CNTNAP2: variants seen among roughly 807,000 people sequenced by gnomAD.
CNTNAP2 encodes the protein contactin associated protein 2, also known as contactin-associated protein-like 2.
A neutral mutation model predicts 155.2 loss-of-function variants in CNTNAP2; 98 were observed. The observed-to-expected ratio is 0.63, with a 90% CI of 0.54 to 0.75. The LOEUF (loss-of-function observed/expected upper bound fraction) is 0.75. Among genes scored for constraint, CNTNAP2 ranks in the 30% least tolerant of loss-of-function variants. The probability of loss-of-function intolerance (pLI) is 0.00; values close to 1 mark genes in which losing one functional copy is unlikely to be tolerated. For synonymous variants in CNTNAP2, 651 were observed against 631.2 expected (o/e 1.03, Z -0.47); for missense variants, 1,727 against 1,688.1 (o/e 1.02, Z -0.40).
chr7:147,878,116 G>T (rs1359497026), intron 13 of CNTNAP2, among the ~76,000 whole-genome samples: 1 of 149,940 alleles, frequency 6.7e-6, no homozygotes, highest in Non-Finnish European at 1.5e-5. Context: ...ATGTTTTTCA[G>T]TGGAAAGTTT....
rs57239530 is a variant in CNTNAP2 at position 146,563,774 on chromosome 7, ATCTT to A, written c.98-210494_98-210491del. ...GTTACACCACTTTGCCCTTCACAGAATCTTTCATTTCAGCCACAAACCCACATTA... is the reference window on the plus strand; with the variant it reads ...GTTACACCACTTTGCCCTTCACAGAATCATTTCAGCCACAAACCCACATTA... On this transcript the variant is annotated intron_variant, in intron 1 of 23. Transcript: ENST00000361727. 8.5e-3 allele frequency among the ~76,000 whole-genome samples: 1,292 copies of A among 152,286 alleles called. 10 individuals carry two copies. Among genetic ancestry groups the A allele is most frequent in the African/African-American group, 0.03 (1,228 of 41,548 alleles).
At chr7:148,348,647 CG>C (rs1367334580) in intron 21 of CNTNAP2, among the ~76,000 whole-genome samples, 5 of 152,100 alleles carry the variant, frequency 3.3e-5, no homozygotes, top group African/African-American at 1.2e-4. Context: ...CTCAGGCACA[CG>C]TCATTCATTT....
At chr7:146,386,044 C>A (rs1265451764) in intron 1 of CNTNAP2, among the ~76,000 whole-genome samples, 2 of 152,200 alleles carry the variant, frequency 1.3e-5, no homozygotes, top group East Asian at 3.8e-4. Context: ...TCCCTGCTGG[C>A]CTTATCCCCA....
At chr7:146,854,812 A>C (rs1274525298) in intron 3 of CNTNAP2, among the ~76,000 whole-genome samples, 1 of 152,138 alleles carries the variant, frequency 6.6e-6, no homozygotes, top group Non-Finnish European at 1.5e-5. Flanking sequence ...ATGCACAGGG[A>C]ATGACAGGTA....
At chr7:146,712,035 T>A (rs539725807) in intron 1 of CNTNAP2, among the ~76,000 whole-genome samples, 8 of 77,414 alleles carry the variant, frequency 1.0e-4, no homozygotes, top group South Asian at 5.2e-4. Context: ...TTATGTATAC[T>A]ATATAGTATA....
rs149928347 is a variant in CNTNAP2 at position 147,755,881 on chromosome 7, A to G, written c.2098+116575A>G. 3.2e-3 allele frequency among the ~76,000 whole-genome samples: 490 copies of G among 152,336 alleles called. 6 individuals are homozygous for G. Among genetic ancestry groups the G allele is most frequent in the African/African-American group, 0.011 (461 of 41,568 alleles). ...TCAAATTATGTCAAAAGTCCTGGTT[A>G]GAGTGGCTTATATACAAAGTTTGTA... On this transcript the variant is annotated intron_variant, in intron 13 of 23. Coordinates refer to ENST00000361727, the MANE Select transcript of CNTNAP2 (RefSeq NM_014141.6).
chr7:148,352,424 C>T (rs1798442535), intron 21 of CNTNAP2, among the ~76,000 whole-genome samples: 1 of 152,196 alleles, frequency 6.6e-6, no homozygotes, highest in Non-Finnish European at 1.5e-5. Flanking sequence ...TTCTAAAATA[C>T]AGGGACAGCC....
intron 22 of CNTNAP2, among the ~76,000 whole-genome samples, chr7:148,403,374 G>A (rs968514005): frequency 6.6e-6 from 1 of 152,106 alleles, no homozygotes; most frequent in Non-Finnish European, 1.5e-5. Context: ...AGACTGGAAT[G>A]GCACCATGCT....
intron 21 of CNTNAP2, among the ~76,000 whole-genome samples, chr7:148,308,054 C>T (rs890216847): frequency 1.3e-5 from 2 of 152,120 alleles, no homozygotes; most frequent in Non-Finnish European, 1.5e-5. Context: ...TTCCAATTTG[C>T]TTTTCAAAAG....
Position 147,123,090 on chromosome 7 carries a change from A to G in CNTNAP2, c.939+1927A>G, listed in dbSNP as rs1236940722. 6.6e-5 allele frequency among the ~76,000 whole-genome samples: 10 copies of G among 152,250 alleles called. No individual in the cohort carries two copies. In the East Asian group the frequency reaches 1.7e-3, roughly 26 times the overall value. ...GACTTTATTAACATTAAATGAATTT[A>G]AGATTATTGGAAAGTATTTTATCCC... On this transcript the variant is annotated intron_variant, in intron 6 of 23. Coordinates refer to ENST00000361727, the MANE Select transcript of CNTNAP2 (RefSeq NM_014141.6).
intron 7 of CNTNAP2, among the ~76,000 whole-genome samples, chr7:147,130,729 A>G (rs1032733573): frequency 6.6e-6 from 1 of 151,938 alleles, no homozygotes; most frequent in Non-Finnish European, 1.5e-5. Context: ...CACTCATTCT[A>G]CCTCCTCTTC....
intron 13 of CNTNAP2, among the ~76,000 whole-genome samples, chr7:147,863,204 G>T (rs188775684): frequency 5.4e-4 from 82 of 152,234 alleles, no homozygotes; most frequent in African/African-American, 1.8e-3. Context: ...CCTTGTGATA[G>T]TTTGCTGAGA....
In CNTNAP2 at chr7:147,121,092, C is replaced by T. The variant is rs1801102385; in HGVS notation, c.868C>T (p.Leu290Phe). 1 of 1,614,032 alleles carries T rather than the reference C, an allele frequency of 6.2e-7. No individual in the cohort carries two copies. Among genetic ancestry groups the T allele is most frequent in the African/African-American group, 1.3e-5 (1 of 74,926 alleles). Residue 290 changes from leucine (L) to phenylalanine (F), a missense_variant, in exon 6 of 24, where the codon CTC becomes TTC. Transcript: ENST00000361727. ...VIERQGRSIN[L>F]TLDRSMQHFR... is the part of the protein sequence containing the mutation. The stretch of plus-strand genomic sequence containing the variant: ...TGAGCGCCAGGGGCGGAGCATTAAC[C>T]TCACTCTGGACAGGAGCATGCAGCA...
At chr7:146,712,473 G>A (rs1801113625) in intron 1 of CNTNAP2, among the ~76,000 whole-genome samples, 1 of 148,988 alleles carries the variant, frequency 6.7e-6, no homozygotes, top group Non-Finnish European at 1.5e-5. Context: ...ATTTGAACTG[G>A]ACTTTGAAGA....
At chr7:148,329,587 G>A (rs943739453) in intron 21 of CNTNAP2, among the ~76,000 whole-genome samples, 5 of 152,216 alleles carry the variant, frequency 3.3e-5, no homozygotes, top group African/African-American at 1.2e-4. Flanking sequence ...GGCCAGTGCT[G>A]TGCTATTAGC....
intron 2 of CNTNAP2, among the ~76,000 whole-genome samples, chr7:146,837,243 AT>A (rs1309148268): frequency 6.6e-6 from 1 of 151,984 alleles, no homozygotes; most frequent in Non-Finnish European, 1.5e-5. Context: ...ATAACTGTTT[AT>A]TTTTTAAGCC....
At chr7:146,881,756 T>TG (rs891829548) in intron 3 of CNTNAP2, among the ~76,000 whole-genome samples, 2 of 362 alleles carry the variant, frequency 5.5e-3, no homozygotes, top group African/African-American at 0.053. Flanking sequence ...ATCCCTATAA[T>TG]TTTTTTTTTT....
chr7:147,412,919 A>C (rs1320805749), intron 10 of CNTNAP2, among the ~76,000 whole-genome samples: 1 of 152,222 alleles, frequency 6.6e-6, no homozygotes, highest in East Asian at 1.9e-4. Flanking sequence ...TTTAGTCTGT[A>C]GTCCAAGGAA....
chr7:147,651,573 C>T (rs1159065942), intron 13 of CNTNAP2, among the ~76,000 whole-genome samples: 1 of 152,172 alleles, frequency 6.6e-6, no homozygotes, highest in Non-Finnish European at 1.5e-5. Context: ...TCAGCATAGT[C>T]AGGTGAGATC....
Sources: allele counts gnomAD v4.1 joint callset (sites outside exome capture counted in the v4.1 genomes callset), GRCh38; gene constraint gnomAD v4.1.1; transcripts MANE v1.5; gene names NCBI Gene and HGNC (gene_info 2026-07-23, HGNC 2026-07-21).